The following EFCAB6 variants were observed in gnomAD, a reference collection of about 807,000 sequenced individuals.
EFCAB6 encodes the protein EF-hand calcium binding domain 6, also known as EF-hand calcium-binding domain-containing protein 6.
In EFCAB6, 156 loss-of-function variants were observed where a neutral mutation model predicts 169.8. The ratio of observed to expected loss-of-function variants is 0.92; its 90% CI spans 0.81 to 1.05. The LOEUF (loss-of-function observed/expected upper bound fraction) is 1.05. Ranked by LOEUF, EFCAB6 falls within the 50% of genes least tolerant of loss-of-function variation. The pLI, the probability that EFCAB6 is intolerant of heterozygous loss-of-function variation, is 0.00. For missense variants in EFCAB6, 1,800 were observed against 1,829.1 expected (o/e 0.98, Z 0.29); for synonymous variants, 698 against 676.4 (o/e 1.03, Z -0.50).
chr22:43,566,911 C>A (rs183646038), intron 26 of EFCAB6, among the ~76,000 whole-genome samples: 79 of 152,284 alleles, frequency 5.2e-4, no homozygotes, highest in Non-Finnish European at 1.0e-3. Context: ...GGGCCTCCCC[C>A]ACTGCCCTGC....
At chr22:43,638,686 T>C (rs987016826) in intron 17 of EFCAB6, among the ~76,000 whole-genome samples, 1 of 152,242 alleles carries the variant, frequency 6.6e-6, no homozygotes, top group Non-Finnish European at 1.5e-5. Flanking sequence ...GTGATTACAC[T>C]ATACATTCTG....
intron 1 of EFCAB6, among the ~76,000 whole-genome samples, chr22:43,810,528 C>T (rs2063076082): frequency 6.6e-6 from 1 of 152,156 alleles, no homozygotes; most frequent in South Asian, 2.1e-4. Flanking sequence ...GGCCTCTCAC[C>T]AGATTCCTGA....
Position 43,772,989 on chromosome 22 carries a change from C to G in EFCAB6, c.254G>C (p.Gly85Ala). ...LQKAFQLLDT[G>A]QNLTVSKSEL... ...ACTTTTTGACACAGTCAAGTTCTGA[C>G]CAGTATCCAGCAGCTGAAAGGCTTT... is the stretch of plus-strand genomic sequence containing the variant. The change falls in exon 4 of 32, where the codon GGT becomes GCT. Residue 85 changes from glycine (G) to alanine (A), a missense_variant. Transcript: ENST00000262726. 1 of 1,614,214 alleles carries G rather than the reference C, an allele frequency of 6.2e-7. No homozygotes were observed. Among genetic ancestry groups the G allele is most frequent in the Non-Finnish European group, 8.5e-7 (1 of 1,180,036 alleles).
intron 11 of EFCAB6, among the ~76,000 whole-genome samples, chr22:43,685,338 G>A (rs867822440): frequency 6.6e-6 from 1 of 152,048 alleles, no homozygotes; most frequent in African/African-American, 2.4e-5. Flanking sequence ...GTGGGGGCAG[G>A]AAGGGTGCGG....
chr22:43,749,695 C>G (rs1273587002), intron 6 of EFCAB6, among the ~76,000 whole-genome samples: 3 of 152,116 alleles, frequency 2.0e-5, no homozygotes, highest in Admixed American at 1.3e-4. Context: ...GACAGGCCAC[C>G]AACCAGTACA....
chr22:43,650,998 G>T (rs1183543485), intron 17 of EFCAB6, among the ~76,000 whole-genome samples: 1 of 152,162 alleles, frequency 6.6e-6, no homozygotes, highest in Admixed American at 6.5e-5. Context: ...TAAAACTTCA[G>T]AAAATTTGCA....
intron 2 of EFCAB6, among the ~76,000 whole-genome samples, chr22:43,784,485 T>A (rs1315647345): frequency 1.1e-5 from 1 of 93,418 alleles, no homozygotes; most frequent in African/African-American, 3.7e-5. Flanking sequence ...GCCCTGTCTC[T>A]ACCAAAAAAA....
chr22:43,617,022 C>T (rs1415138164), intron 20 of EFCAB6, among the ~76,000 whole-genome samples: 1 of 152,138 alleles, frequency 6.6e-6, no homozygotes, highest in Non-Finnish European at 1.5e-5. Flanking sequence ...GCTGCTTGCC[C>T]ATAAGTCTGC....
chr22:43,602,405 G>A (rs1033230090), intron 22 of EFCAB6, among the ~76,000 whole-genome samples: 5 of 152,194 alleles, frequency 3.3e-5, no homozygotes, highest in African/African-American at 1.2e-4. Context: ...CACCATCAGG[G>A]GCAAGCGCCT....
intron 3 of EFCAB6, among the ~76,000 whole-genome samples, chr22:43,776,692 A>C (rs981281723): frequency 1.3e-5 from 2 of 152,204 alleles, no homozygotes; most frequent in Non-Finnish European, 2.9e-5. Flanking sequence ...TGAAAGAAAA[A>C]GGCTGGAGTG....
Position 43,683,847 on chromosome 22 carries a change from G to A in EFCAB6, c.1151C>T (p.Ser384Phe). The change falls in exon 12 of 32, where the codon TCT becomes TTT. Residue 384 changes from serine (S) to phenylalanine (F), a missense_variant. Physicochemically the swap from Ser to Phe is radical, Grantham distance 155. Transcript: ENST00000262726. Reference sequence around the variant, plus strand: ...GTTTTCCTTGTGAGATTCATTTCTAGAGTTGATGCTACAAGAGGATTAGGA... The same window carrying A: ...GTTTTCCTTGTGAGATTCATTTCTAAAGTTGATGCTACAAGAGGATTAGGA... ...GPLTKRNSINSRNESHKENII... is the reference protein window; with the variant it reads ...GPLTKRNSINFRNESHKENII... 6.2e-7 allele frequency: 1 copy of A among 1,607,630 alleles called. No individual in the cohort carries two copies. The highest frequency in any genetic ancestry group is 8.5e-7 in the Non-Finnish European group (1 of 1,174,218).
rs759502408 is a variant in EFCAB6 at position 43,554,983 on chromosome 22, G to T, written c.3534C>A (p.Tyr1178Ter). 6.2e-7 allele frequency: 1 copy of T among 1,614,216 alleles called. No homozygotes were observed. Among genetic ancestry groups the T allele is most frequent in the Non-Finnish European group, 8.5e-7 (1 of 1,180,040 alleles). The change falls in exon 27 of 32, where the codon TAC becomes TAA. Residue 1178 changes from tyrosine to a stop codon, truncating the protein, a stop_gained. Transcript: ENST00000262726. LOFTEE classifies it high-confidence loss of function. ...ARLHKAVTSH[Y>*]HAITQEFENF... Reference sequence around the variant, plus strand: ...TCTCAAACTCCTGGGTGATGGCATGGTAATGGGAAGTCACTGCTTTGTGGA... The same window carrying T: ...TCTCAAACTCCTGGGTGATGGCATGTTAATGGGAAGTCACTGCTTTGTGGA...
intron 3 of EFCAB6, among the ~76,000 whole-genome samples, chr22:43,777,106 G>A (rs530267918): frequency 2.0e-4 from 30 of 152,290 alleles, no homozygotes; most frequent in African/African-American, 6.5e-4. Flanking sequence ...CTGAGGAGGC[G>A]TGTGAGGGGT....
intron 2 of EFCAB6, among the ~76,000 whole-genome samples, chr22:43,801,150 A>T (rs1186885698): frequency 6.6e-6 from 1 of 152,238 alleles, no homozygotes; most frequent in Non-Finnish European, 1.5e-5. Context: ...CAGAAATCAT[A>T]TAGCCAGGAG....
intron 17 of EFCAB6, among the ~76,000 whole-genome samples, chr22:43,664,244 G>T (rs1225903813): frequency 6.6e-6 from 1 of 152,204 alleles, no homozygotes; most frequent in Non-Finnish European, 1.5e-5. Flanking sequence ...GAATGCCCAT[G>T]TCCATCAGTC....
rs193077744 is a variant in EFCAB6, at chr22:43,647,098, A to T, written c.1984-11882T>A. Reference sequence around the variant, plus strand: ...GGTATACGGGAACTTTGTAGTTTCCACTAAATCTTGCTATAAACCTAAAGC... The same window carrying T: ...GGTATACGGGAACTTTGTAGTTTCCTCTAAATCTTGCTATAAACCTAAAGC... On this transcript the variant is annotated intron_variant, in intron 17 of 31. Transcript: ENST00000262726. Among the ~76,000 whole-genome samples, 17 of 151,678 alleles carry T rather than the reference A, an allele frequency of 1.1e-4. No individual in the cohort carries two copies. In the East Asian group the frequency reaches 2.9e-3, roughly 26 times the overall value.
At chr22:43,810,062 A>G (rs2063058233) in intron 1 of EFCAB6, among the ~76,000 whole-genome samples, 1 of 151,594 alleles carries the variant, frequency 6.6e-6, no homozygotes, top group Non-Finnish European at 1.5e-5. Context: ...CACCATAGAT[A>G]TGGGGGGGGT....
intron 29 of EFCAB6, chr22:43,536,038 T>C (rs1275518785): frequency 2.0e-5 from 3 of 152,186 alleles, no homozygotes; most frequent in Admixed American, 6.5e-5. Context: ...TTTTACAGTA[T>C]TGAATTTTGG....
intron 13 of EFCAB6, among the ~76,000 whole-genome samples, chr22:43,676,929 A>G (rs1263094955): frequency 2.0e-5 from 3 of 152,190 alleles, no homozygotes; most frequent in African/African-American, 4.8e-5. Context: ...AAGGCACCCC[A>G]TTCAGATCCA....
Sources: allele counts gnomAD v4.1 joint callset (sites outside exome capture counted in the v4.1 genomes callset), GRCh38; gene constraint gnomAD v4.1.1; transcripts MANE v1.5; gene names NCBI Gene and HGNC (gene_info 2026-07-23, HGNC 2026-07-21).